Variants in ATP23 observed in about 807,000 individuals in gnomAD.
ATP23 encodes the protein ATP23 metallopeptidase and ATP synthase assembly factor homolog.
A neutral mutation model predicts 28.5 loss-of-function variants in ATP23; 24 were observed. The ratio of observed to expected loss-of-function variants is 0.84; its 90% CI spans 0.61 to 1.18. The LOEUF (loss-of-function observed/expected upper bound fraction) is 1.18, where lower values mean the gene tolerates loss of function less well. Among genes scored for constraint, ATP23 ranks in the 50% most tolerant of loss-of-function variants. The pLI is 0.00. For synonymous variants in ATP23, 99 were observed against 108.6 expected (o/e 0.91, Z 0.55); for missense variants, 274 against 306.4 (o/e 0.89, Z 0.79).
intron 3 of ATP23, among the ~76,000 whole-genome samples, chr12:57,950,430 A>G (rs1956803581): frequency 6.6e-6 from 1 of 151,382 alleles, no homozygotes; most frequent in Non-Finnish European, 1.5e-5. Context: ...CACACCTCAA[A>G]TTTCACTTCT....
intron 3 of ATP23, among the ~76,000 whole-genome samples, chr12:57,949,091 G>A (rs1490613727): frequency 6.6e-6 from 1 of 152,112 alleles, no homozygotes; most frequent in Admixed American, 6.5e-5. Flanking sequence ...TTCCAACTTT[G>A]TTATTATGAA....
In ATP23 at chr12:57,941,899, T is replaced by C; in HGVS notation, c.187+11T>C. ...AGACGCTGGAGACAAGTAGGAGCCA[T>C]GACCTGGAGGCTGTGGTTCCACAGA... On this transcript the variant is annotated intron_variant, in intron 1 of 5. Transcript: ENST00000300145. 3 of 1,611,894 alleles carry C rather than the reference T, an allele frequency of 1.9e-6. No individual in the cohort carries two copies. The highest frequency in any genetic ancestry group is 1.3e-5 in the African/African-American group (1 of 74,872).
rs1278751345 is a variant in ATP23 at position 57,958,585 on chromosome 12, C to A, written c.*1695C>A. ...ATTCTGTGCAGGCAACCCCCAGTAC[C>A]AGCATGGAGCTGGGTAGACTCACTG... On this transcript the variant is annotated 3_prime_UTR_variant, in exon 6 of 6. Coordinates refer to ENST00000300145, the MANE Select transcript of ATP23 (RefSeq NM_033276.4). 6.6e-6 allele frequency among the ~76,000 whole-genome samples: 1 copy of A among 152,188 alleles called. No homozygotes were observed. The highest frequency in any genetic ancestry group is 1.5e-5 in the Non-Finnish European group (1 of 68,038).
intron 2 of ATP23, among the ~76,000 whole-genome samples, chr12:57,946,446 AT>A (rs369316315): frequency 0.021 from 2,220 of 104,038 alleles, 26 homozygotes; most frequent in African/African-American, 0.051. Flanking sequence ...AGTTGAACAA[AT>A]TTTTTTTTTT....
chr12:57,945,530 C>A, intron 1 of ATP23, 98 bp from the exon 2 acceptor site: 2 of 1,033,610 alleles, frequency 1.9e-6, no homozygotes, highest in Non-Finnish European at 3.0e-6. Context: ...CTGCATCTGG[C>A]CTGTGAGTTA....
intron 3 of ATP23, among the ~76,000 whole-genome samples, chr12:57,947,985 G>A (rs1047902624): frequency 3.3e-5 from 5 of 152,190 alleles, no homozygotes; most frequent in African/African-American, 9.7e-5. Flanking sequence ...ATCATGTGAA[G>A]TGGCAATATA....
intron 1 of ATP23, among the ~76,000 whole-genome samples, chr12:57,942,399 A>C (rs181746001): frequency 1.4e-5 from 2 of 148,084 alleles, no homozygotes; most frequent in Non-Finnish European, 3.0e-5. Flanking sequence ...AATCGTGTGT[A>C]TGTGTGTGTG....
chr12:57,945,445 T>C (rs1002314467), intron 1 of ATP23, among the ~76,000 whole-genome samples, 183 bp from the exon 2 acceptor site: 5 of 152,042 alleles, frequency 3.3e-5, no homozygotes, highest in Non-Finnish European at 7.4e-5. Context: ...TTGGTCAGGC[T>C]GGGCTTGAAC....
intron 3 of ATP23, among the ~76,000 whole-genome samples, chr12:57,949,373 G>T (rs1050922646): frequency 2.0e-5 from 3 of 152,102 alleles, no homozygotes; most frequent in South Asian, 4.1e-4. Flanking sequence ...TGCCAAGGAG[G>T]TCTCATCAAT....
chr12:57,952,456 A>G (rs1956824678), intron 4 of ATP23, among the ~76,000 whole-genome samples: 1 of 152,242 alleles, frequency 6.6e-6, no homozygotes, highest in Admixed American at 6.5e-5. Flanking sequence ...CTTGCCCTAG[A>G]GTAAAACATG....
intron 1 of ATP23, among the ~76,000 whole-genome samples, chr12:57,943,603 C>T (rs919938922): frequency 1.3e-5 from 2 of 152,004 alleles, no homozygotes; most frequent in African/African-American, 2.4e-5. Flanking sequence ...TTTGCTTGAA[C>T]CCAGGAGGCT....
chr12:57,956,446 T>G (rs997044760), intron 5 of ATP23, among the ~76,000 whole-genome samples: 1 of 151,668 alleles, frequency 6.6e-6, no homozygotes, highest in African/African-American at 2.4e-5. Context: ...CTTATATCAG[T>G]GGGAAAGATG....
Position 57,958,335 on chromosome 12 carries a change from G to C in ATP23, c.*1445G>C, listed in dbSNP as rs984944051. Among the ~76,000 whole-genome samples the C allele has an allele frequency of 3.9e-5, 6 of 152,102 alleles. No individual in the cohort carries two copies. Among genetic ancestry groups the C allele is most frequent in the African/African-American group, 9.7e-5 (4 of 41,416 alleles). On this transcript the variant is annotated 3_prime_UTR_variant, in exon 6 of 6. Transcript: ENST00000300145. ...GAACAAAAAGGGCATACAATCTTGG[G>C]AGTTCTAGGGCCCCACTCACCACAA...
intron 5 of ATP23, among the ~76,000 whole-genome samples, chr12:57,955,280 G>GTTTTTTTTT (rs71087605): frequency 5.8e-4 from 83 of 142,148 alleles, no homozygotes; most frequent in African/African-American, 2.0e-3. Flanking sequence ...AATAGAGCAT[G>GTTTTTTTTT]TTTTTTTTTT....
chr12:57,948,831 A>G lies in ATP23; in HGVS notation c.315+1755A>G, dbSNP rs950408244. ...TTCTGAATGGCTTTACCATCTACAT[A>G]TACAATCCAACAGTGTGTTATTTAG... On this transcript the variant is annotated intron_variant, in intron 3 of 5. Coordinates refer to ENST00000300145, the MANE Select transcript of ATP23 (RefSeq NM_033276.4). Among the ~76,000 whole-genome samples the G allele has an allele frequency of 4.6e-5, 7 of 152,202 alleles. No individual in the cohort carries two copies. The East Asian group carries it at 1.2e-3, about 25-fold the overall frequency.
chr12:57,941,791 G>T lies in ATP23; in HGVS notation c.90G>T (p.Glu30Asp), dbSNP rs754659121. 20 of 1,609,272 alleles carry T rather than the reference G, an allele frequency of 1.2e-5. No individual in the cohort carries two copies. The highest frequency in any genetic ancestry group is 1.6e-4 in the Middle Eastern group (1 of 6,066). Reference sequence around the variant, plus strand: ...ACGTCTCTTGCCAGGTCTTCCCCGAGCGTCTGGCCCAGGGGAATCCCCAGC... The same window carrying T: ...ACGTCTCTTGCCAGGTCTTCCCCGATCGTCTGGCCCAGGGGAATCCCCAGC... ...QQHVSCQVFPERLAQGNPQQG... is the reference protein window; with the variant it reads ...QQHVSCQVFPDRLAQGNPQQG... The change falls in exon 1 of 6, where the codon GAG becomes GAT. Residue 30 changes from glutamate (E) to aspartate (D), a missense_variant. Coordinates refer to ENST00000300145, the MANE Select transcript of ATP23 (RefSeq NM_033276.4).
chr12:57,953,559 A>G lies in ATP23; in HGVS notation c.454-47A>G, dbSNP rs370812279. ...AAATTGGTTGATATCATAAAGATAT[A>G]TAGAGCATGAGCGTTTATTTCTTTT... On this transcript the variant is annotated intron_variant, in intron 4 of 5. Transcript: ENST00000300145. 8 of 1,510,194 alleles carry G rather than the reference A, an allele frequency of 5.3e-6. No homozygotes were observed. In the Admixed American group the frequency reaches 9.1e-5, roughly 17 times the overall value. 93.5% of individuals were successfully genotyped at this position (1,510,194 alleles called of 1,614,324 possible).
chr12:57,948,077 G>A (rs1302966109), intron 3 of ATP23, among the ~76,000 whole-genome samples: 2 of 151,964 alleles, frequency 1.3e-5, no homozygotes, highest in Non-Finnish European at 2.9e-5. Flanking sequence ...GTGGGGCTTG[G>A]GCAAGTTATT....
At position 57,957,161 on chromosome 12, in the gene ATP23, T is replaced by C. The variant is rs1956877140; in HGVS notation, c.*271T>C. 1 of 297,618 alleles carries C rather than the reference T, an allele frequency of 3.4e-6. No homozygotes were observed. The highest frequency in any genetic ancestry group is 2.2e-5 in the African/African-American group (1 of 45,856). The allele number at this position is 297,618 out of a possible 1,614,324, so 18.4% of individuals were successfully genotyped here. ...ATTTTAGTCATTTGTTTTTATTACA[T>C]GTGATTATTTTAAAATTTGATTATG... On this transcript the variant is annotated 3_prime_UTR_variant, in exon 6 of 6. Coordinates refer to ENST00000300145, the MANE Select transcript of ATP23 (RefSeq NM_033276.4).
Sources: allele counts gnomAD v4.1 joint callset (sites outside exome capture counted in the v4.1 genomes callset), GRCh38; gene constraint gnomAD v4.1.1; transcripts MANE v1.5; gene names NCBI Gene and HGNC (gene_info 2026-07-23, HGNC 2026-07-21).